Variants in MYCBP observed in about 807,000 individuals in gnomAD.
MYCBP encodes MYC binding protein, also known as C-Myc-binding protein.
MYCBP carries 5 observed loss-of-function variants against 16.8 expected under a neutral mutation model. The ratio of observed to expected loss-of-function variants is 0.30; its 90% CI spans 0.16 to 0.63. The LOEUF is 0.63. MYCBP is among the 20% of genes least tolerant of loss of function. The pLI is 0.83. For synonymous variants in MYCBP, 35 were observed against 43.7 expected (o/e 0.80, Z 0.79); for missense variants, 103 against 121.8 (o/e 0.85, Z 0.73).
In MYCBP at chr1:38,864,612, A is replaced by G; in HGVS notation, c.*58T>C. On this transcript the variant is annotated 3_prime_UTR_variant, in exon 5 of 5. Transcript: ENST00000397572. ...CTGTTCAGAAAAGATTATATACTAT[A>G]CAAACTATTCAAGTCATACAAAACC... The G allele has an allele frequency of 6.5e-7, 1 of 1,531,924 alleles. No homozygotes were observed. The highest frequency in any genetic ancestry group is 1.1e-5 in the South Asian group (1 of 89,356). 94.9% of individuals were successfully genotyped at this position (1,531,924 alleles called of 1,614,324 possible).
At chr1:38,869,995 C>A (rs909192328) in intron 2 of MYCBP, among the ~76,000 whole-genome samples, 1 of 151,680 alleles carries the variant, frequency 6.6e-6, no homozygotes, top group African/African-American at 2.4e-5. Context: ...GGTGAAACCC[C>A]GTCTCTACTA....
rs1008811043 is a variant in MYCBP at position 38,867,234 on chromosome 1, C to T, written c.138-225G>A. ...GGCTGAGGTGGGCACATCACGAGGT[C>T]AGGAGTTTGAGACCAACGTGATGAA... On this transcript the variant is annotated intron_variant, in intron 3 of 4. Coordinates refer to ENST00000397572, the MANE Select transcript of MYCBP (RefSeq NM_012333.5). 2.0e-5 allele frequency among the ~76,000 whole-genome samples: 3 copies of T among 152,086 alleles called. No homozygotes were observed. The South Asian group carries it at 6.2e-4, about 31-fold the overall frequency.
At chr1:38,868,731 C>T (rs997770769) in intron 2 of MYCBP, among the ~76,000 whole-genome samples, 9 of 151,930 alleles carry the variant, frequency 5.9e-5, no homozygotes, top group African/African-American at 2.2e-4. Context: ...CAGTGAAACC[C>T]CGTCTCTACT....
Position 38,870,083 on chromosome 1 carries a change from T to C in MYCBP, c.89-2473A>G, listed in dbSNP as rs1433926261. ...TACTTGGGAGGCTGAGGCAGGAGAA[T>C]GGTGTGAACCCGGGAGGCGGAGCTT... On this transcript the variant is annotated intron_variant, in intron 2 of 4. Coordinates refer to ENST00000397572, the MANE Select transcript of MYCBP (RefSeq NM_012333.5). Among the ~76,000 whole-genome samples the C allele has an allele frequency of 1.8e-4, 26 of 144,122 alleles. No individual in the cohort carries two copies. In the Admixed American group the frequency reaches 1.9e-3, roughly 11 times the overall value. The allele number at this position is 144,122 out of a possible 152,430, so 94.5% of individuals were successfully genotyped here.
In MYCBP at chr1:38,869,515, G is replaced by A. The variant is rs554368795; in HGVS notation, c.89-1905C>T. On this transcript the variant is annotated intron_variant, in intron 2 of 4. Transcript: ENST00000397572. ...AAGGTTGATAGTTGCAGAAGATACT[G>A]TAAATACAAAGTTTCCTGTGCTGTT... Among the ~76,000 whole-genome samples the A allele has an allele frequency of 9.9e-5, 15 of 152,272 alleles. No individual in the cohort carries two copies. The South Asian group carries it at 2.9e-3, about 29-fold the overall frequency.
rs1430546537 is a variant in MYCBP, at chr1:38,864,417, T to C, written c.*253A>G. ...TAATCAGACTAATAAACAGAATGTC[T>C]TTTAAGGTAATGAGTTAGATGGCTG... On this transcript the variant is annotated 3_prime_UTR_variant, in exon 5 of 5. Transcript: ENST00000397572. 1.9e-6 allele frequency: 1 copy of C among 515,214 alleles called. No homozygotes were observed. The highest frequency in any genetic ancestry group is 3.5e-6 in the Non-Finnish European group (1 of 285,962). 31.9% of individuals were successfully genotyped at this position (515,214 alleles called of 1,614,324 possible).
intron 3 of MYCBP, 125 bp from the exon 4 acceptor site, chr1:38,867,134 A>C (rs1642358449): frequency 1.1e-6 from 1 of 942,742 alleles, no homozygotes. Context: ...AGAGATCACC[A>C]TCCAAAAACT....
chr1:38,865,341 G>C (rs7528685), intron 4 of MYCBP, among the ~76,000 whole-genome samples: 27,740 of 152,038 alleles, frequency 0.18, 2,752 homozygotes, highest in East Asian at 0.31. Context: ...AAAGTGGCTT[G>C]TGTACTTGTT....
At chr1:38,868,614 A>G (rs1042034375) in intron 2 of MYCBP, among the ~76,000 whole-genome samples, 3 of 152,112 alleles carry the variant, frequency 2.0e-5, no homozygotes, top group Non-Finnish European at 2.9e-5. Context: ...AACACACACA[A>G]AAAAAATGTG....
chr1:38,865,718 C>T (rs550225702), intron 4 of MYCBP, among the ~76,000 whole-genome samples: 14 of 152,230 alleles, frequency 9.2e-5, no homozygotes, highest in Non-Finnish European at 7.3e-5. Context: ...GGGGGGATTA[C>T]TTGAGCCTGG....
chr1:38,867,033 C>T (rs1187726662), intron 3 of MYCBP, 24 bp from the exon 4 acceptor site: 5 of 1,593,788 alleles, frequency 3.1e-6, no homozygotes, highest in Middle Eastern at 1.8e-4. Flanking sequence ...TAAGAACTTA[C>T]TTCTTAGACA....
intron 4 of MYCBP, among the ~76,000 whole-genome samples, chr1:38,866,105 G>C (rs948986843): frequency 7.5e-6 from 1 of 132,696 alleles, no homozygotes; most frequent in African/African-American, 3.1e-5. Flanking sequence ...CTGGAGTGCA[G>C]TGGCACAGTC....
rs893985845 is a variant in MYCBP at position 38,864,321 on chromosome 1, T to A, written c.*349A>T. On this transcript the variant is annotated 3_prime_UTR_variant, in exon 5 of 5. Coordinates refer to ENST00000397572, the MANE Select transcript of MYCBP (RefSeq NM_012333.5). The stretch of plus-strand genomic sequence containing the variant: ...AAGAATGACTGTACCTGTGTTCATA[T>A]CCTGAACTGCACCAAGGAATAGCTC... 16 of 313,068 alleles carry A rather than the reference T, an allele frequency of 5.1e-5. No individual in the cohort carries two copies. Among genetic ancestry groups the A allele is most frequent in the Non-Finnish European group, 7.3e-5 (12 of 163,768 alleles). The allele number at this position is 313,068 out of a possible 1,614,324, so 19.4% of individuals were successfully genotyped here. A position where few individuals can be genotyped will look rare whatever the true frequency, so the allele number is the denominator to read the frequency against.
At chr1:38,870,998 G>A (rs1215653608) in intron 2 of MYCBP, among the ~76,000 whole-genome samples, 1 of 152,092 alleles carries the variant, frequency 6.6e-6, no homozygotes, top group South Asian at 2.1e-4. Context: ...CCAGCACTCT[G>A]CGGGGCTGAG....
At chr1:38,868,711 C>T (rs1458369732) in intron 2 of MYCBP, among the ~76,000 whole-genome samples, 1 of 152,146 alleles carries the variant, frequency 6.6e-6, no homozygotes, top group Non-Finnish European at 1.5e-5. Context: ...CAAGACCATC[C>T]TGGCTAACAC....
intron 3 of MYCBP, 90 bp downstream of exon 3, chr1:38,867,472 T>G (rs1642366251): frequency 1.8e-6 from 2 of 1,092,174 alleles, no homozygotes; most frequent in East Asian, 5.2e-5. Flanking sequence ...AAAGTAACTT[T>G]CTCAATATTC....
intron 2 of MYCBP, among the ~76,000 whole-genome samples, chr1:38,869,524 A>G (rs2124260458): frequency 6.6e-6 from 1 of 152,326 alleles, no homozygotes; most frequent in East Asian, 1.9e-4. Context: ...TGTAAATACA[A>G]AGTTTCCTGT....
chr1:38,866,902 T>C lies in MYCBP; in HGVS notation c.245A>G (p.Glu82Gly). The change falls in exon 4 of 5, where the codon GAA becomes GGA. Residue 82 changes from glutamate (E) to glycine (G), a missense_variant. Transcript: ENST00000397572. ...MKEKYEAIVE[E>G]NKKLKAKLAQ... ...TACCTTTGCTTTCAGTTTTTTATTTTCTTCTACAATAGCTTCATACTTCTC... is the reference window on the plus strand; with the variant it reads ...TACCTTTGCTTTCAGTTTTTTATTTCCTTCTACAATAGCTTCATACTTCTC... The C allele has an allele frequency of 6.4e-7, 1 of 1,561,076 alleles. No individual in the cohort carries two copies. Among genetic ancestry groups the C allele is most frequent in the Non-Finnish European group, 8.7e-7 (1 of 1,154,892 alleles).
intron 2 of MYCBP, among the ~76,000 whole-genome samples, 167 bp downstream of exon 2, chr1:38,872,851 G>A (rs1642494724): frequency 6.6e-6 from 1 of 152,240 alleles, no homozygotes; most frequent in South Asian, 2.1e-4. Flanking sequence ...CCACCCGGGC[G>A]GCGTCCAGCA....
Sources: allele counts gnomAD v4.1 joint callset (sites outside exome capture counted in the v4.1 genomes callset), GRCh38; gene constraint gnomAD v4.1.1; transcripts MANE v1.5; gene names NCBI Gene and HGNC (gene_info 2026-07-23, HGNC 2026-07-21).